Variants in TFG observed in about 807,000 individuals in gnomAD.
The protein encoded by TFG is protein TFG.
A neutral mutation model predicts 51.4 loss-of-function variants in TFG; 22 were observed. The observed-to-expected ratio is 0.43, with a 90% CI of 0.31 to 0.61. TFG has a LOEUF of 0.61. Ranked by LOEUF, TFG falls within the 20% of genes least tolerant of loss-of-function variation. The pLI is 0.12. For synonymous variants in TFG, 187 were observed against 165.6 expected, an observed-to-expected ratio of 1.13 and a Z score of -0.99; for missense variants, 419 against 487.7, an observed-to-expected ratio of 0.86 and a Z score of 1.33.
intron 3 of TFG, among the ~76,000 whole-genome samples, chr3:100,722,033 C>T (rs2095062226): frequency 6.6e-6 from 1 of 152,160 alleles, no homozygotes; most frequent in African/African-American, 2.4e-5. Flanking sequence ...TGCCTGTAGT[C>T]CCAGCTACTT....
At chr3:100,724,754 C>T (rs1178602051) in intron 3 of TFG, among the ~76,000 whole-genome samples, 1 of 152,170 alleles carries the variant, frequency 6.6e-6, no homozygotes, top group African/African-American at 2.4e-5. Flanking sequence ...CAAAATTGCT[C>T]ACCCAAGGAG....
At chr3:100,718,063 T>G (rs1330983044) in intron 2 of TFG, among the ~76,000 whole-genome samples, 2 of 152,196 alleles carry the variant, frequency 1.3e-5, no homozygotes. Flanking sequence ...TAGCTGGGAC[T>G]GCAGGCATGT....
chr3:100,726,416 C>A (rs1211208136), intron 3 of TFG, among the ~76,000 whole-genome samples: 2 of 152,138 alleles, frequency 1.3e-5, no homozygotes, highest in African/African-American at 4.8e-5. Context: ...GCAACACCCT[C>A]ACAGACACAC....
chr3:100,740,421 T>G (rs953477008), intron 6 of TFG, among the ~76,000 whole-genome samples: 1 of 152,138 alleles, frequency 6.6e-6, no homozygotes, highest in Non-Finnish European at 1.5e-5. Flanking sequence ...ACATGACAGC[T>G]TCACCAGAAT....
In TFG at chr3:100,734,641, G is replaced by A. The variant is rs79401794; in HGVS notation, c.581-1935G>A. ...TGTTCATGTTTTTAGTTGTTACCTG[G>A]GAGAGAGTTTATCTGATGGATTTAC... On this transcript the variant is annotated intron_variant, in intron 5 of 7. Transcript: ENST00000240851. Among the ~76,000 whole-genome samples the A allele has an allele frequency of 3.0e-4, 45 of 152,164 alleles. 2 individuals carry two copies. The East Asian group carries it at 8.5e-3, about 29-fold the overall frequency.
intron 6 of TFG, among the ~76,000 whole-genome samples, chr3:100,741,760 T>G (rs968422265): frequency 9.9e-5 from 15 of 152,152 alleles, no homozygotes; most frequent in Non-Finnish European, 2.1e-4. Flanking sequence ...TTTTTATCTT[T>G]TTTGCCATAT....
At position 100,728,561 on chromosome 3, in the gene TFG, T is replaced by C. The variant is rs890067792; in HGVS notation, c.269-151T>C. The C allele has an allele frequency of 1.3e-5, 8 of 609,648 alleles. 1 individual carries two copies. Among genetic ancestry groups the C allele is most frequent in the Non-Finnish European group, 2.1e-5 (8 of 380,874 alleles). The allele number at this position is 609,648 out of a possible 1,614,324, so 37.8% of individuals were successfully genotyped here. On this transcript the variant is annotated intron_variant, in intron 3 of 7. Coordinates refer to ENST00000240851, the MANE Select transcript of TFG (RefSeq NM_006070.6). ...AAAATAAGTTATTAGCCATAGAGAA[T>C]TCTTTTTTTTTAAAAAAAAAGTTAC...
At chr3:100,715,432 G>C (rs558673323) in intron 2 of TFG, among the ~76,000 whole-genome samples, 47 of 152,346 alleles carry the variant, frequency 3.1e-4, no homozygotes, top group African/African-American at 1.1e-3. Context: ...GCTTTGCTAA[G>C]ATGCAAATGG....
chr3:100,744,523 A>T (rs1200607534), intron 6 of TFG: 1 of 213,692 alleles, frequency 4.7e-6, no homozygotes, highest in African/African-American at 2.3e-5. Flanking sequence ...AATGAACATT[A>T]GCGTTACTTA....
chr3:100,719,235 A>G (rs975795473), intron 2 of TFG, among the ~76,000 whole-genome samples: 5 of 151,968 alleles, frequency 3.3e-5, no homozygotes, highest in African/African-American at 1.2e-4. Flanking sequence ...TCCCCACCCA[A>G]CTGTTTGTGA....
chr3:100,727,674 GAAT>G (rs2095079708), intron 3 of TFG, among the ~76,000 whole-genome samples: 1 of 152,084 alleles, frequency 6.6e-6, no homozygotes, highest in Admixed American at 6.6e-5. Flanking sequence ...TGGACAAAAT[GAAT>G]AATAAGTGAA....
At chr3:100,721,948 C>A (rs1206940852) in intron 3 of TFG, among the ~76,000 whole-genome samples, 1 of 152,150 alleles carries the variant, frequency 6.6e-6, no homozygotes, top group Middle Eastern at 3.2e-3. Flanking sequence ...TGCAGGAGTT[C>A]GCGACCAGCC....
At chr3:100,747,425 A>G (rs1389610939) in intron 7 of TFG, 4 of 152,498 alleles carry the variant, frequency 2.6e-5, no homozygotes, top group Middle Eastern at 3.4e-3. Flanking sequence ...ATTCCAGTCA[A>G]TGGAGAGGTT....
At chr3:100,710,738 C>G (rs551847451) in intron 1 of TFG, among the ~76,000 whole-genome samples, 1 of 152,026 alleles carries the variant, frequency 6.6e-6, no homozygotes, top group Non-Finnish European at 1.5e-5. Context: ...AGTTAGAAGC[C>G]GAGTCATTTC....
At chr3:100,735,356 A>C (rs1483830744) in intron 5 of TFG, among the ~76,000 whole-genome samples, 2 of 152,226 alleles carry the variant, frequency 1.3e-5, no homozygotes, top group African/African-American at 4.8e-5. Context: ...GATAATAGCA[A>C]GTACTTATAT....
intron 2 of TFG, among the ~76,000 whole-genome samples, chr3:100,719,297 G>T (rs2095054596): frequency 6.6e-6 from 1 of 152,178 alleles, no homozygotes; most frequent in South Asian, 2.1e-4. Context: ...CTGCTTTTCT[G>T]TTCTTGCTTT....
At chr3:100,736,082 CA>C (rs1211919269) in intron 5 of TFG, among the ~76,000 whole-genome samples, 5 of 151,090 alleles carry the variant, frequency 3.3e-5, no homozygotes, top group East Asian at 1.9e-4. Flanking sequence ...AAATAGAGGT[CA>C]AAAAAATATT....
At chr3:100,744,986 A>T (rs2095131234) in intron 7 of TFG, 55 bp downstream of exon 7, 1 of 1,097,570 alleles carries the variant, frequency 9.1e-7, no homozygotes, top group African/African-American at 1.6e-5. Flanking sequence ...TATACTCATT[A>T]AACTTTAAGT....
chr3:100,719,140 A>G (rs781349955), intron 2 of TFG, among the ~76,000 whole-genome samples: 1 of 152,226 alleles, frequency 6.6e-6, no homozygotes, highest in Non-Finnish European at 1.5e-5. Flanking sequence ...ATCTTTGCCC[A>G]AAATAAATCC....
Sources: allele counts gnomAD v4.1 joint callset (sites outside exome capture counted in the v4.1 genomes callset), GRCh38; gene constraint gnomAD v4.1.1; transcripts MANE v1.5; gene names NCBI Gene and HGNC (gene_info 2026-07-23, HGNC 2026-07-21).